Variants in RIPOR2 observed in about 807,000 individuals in gnomAD.
RIPOR2 encodes rho family-interacting cell polarization regulator 2.
In RIPOR2, 39 loss-of-function variants were observed where a neutral mutation model predicts 114.5. That is an observed-to-expected ratio of 0.34 (90% confidence interval 0.26 to 0.44). The LOEUF is 0.44. Among genes scored for constraint, RIPOR2 ranks in the 20% least tolerant of loss-of-function variants. The pLI, the probability that RIPOR2 is intolerant of heterozygous loss-of-function variation, is 1.00. For synonymous variants in RIPOR2, 445 were observed against 484.4 expected (o/e 0.92, Z 1.07); for missense variants, 1,007 against 1,255.1 (o/e 0.80, Z 2.99).
intron 1 of RIPOR2, among the ~76,000 whole-genome samples, chr6:24,983,146 T>A (rs1164590348): frequency 1.3e-5 from 2 of 151,950 alleles, no homozygotes; most frequent in African/African-American, 4.8e-5. Flanking sequence ...ATAAACTCTC[T>A]ACTTATGTTA....
chr6:25,015,886 AG>A (rs1775951205), intron 1 of RIPOR2: 1 of 72,390 alleles, frequency 1.4e-5, no homozygotes, highest in Non-Finnish European at 2.3e-5. Flanking sequence ...TTAAAAACGC[AG>A]GTTTTTTGGT....
chr6:25,011,404 C>T (rs1015154290), intron 1 of RIPOR2, among the ~76,000 whole-genome samples: 1 of 152,200 alleles, frequency 6.6e-6, no homozygotes, highest in African/African-American at 2.4e-5. Context: ...CGGGGATTGA[C>T]AGGGCTCCAG....
chr6:24,854,204 G>T (rs973946298), intron 8 of RIPOR2, among the ~76,000 whole-genome samples: 2 of 152,064 alleles, frequency 1.3e-5, no homozygotes, highest in South Asian at 4.2e-4. Flanking sequence ...GAGACAGAAG[G>T]AGATCTTTGC....
intron 1 of RIPOR2, among the ~76,000 whole-genome samples, chr6:24,999,581 A>G (rs557898664): frequency 1.4e-3 from 200 of 144,706 alleles, no homozygotes; most frequent in African/African-American, 4.8e-3. Context: ...TTTGAGACAG[A>G]GTCTCGCTCT....
Position 24,805,326 on chromosome 6 carries a change from C to T in RIPOR2, c.*1047G>A, listed in dbSNP as rs1177253343. On this transcript the variant is annotated 3_prime_UTR_variant, in exon 22 of 22. Coordinates refer to ENST00000643898, the MANE Select transcript of RIPOR2 (RefSeq NM_001286445.3). ...TCTTAGTCATTTACTTATCATTTTT[C>T]CATAATGGAAACATGATTTGGGAAT... 6.6e-6 allele frequency: 1 copy of T among 151,052 alleles called. No homozygotes were observed. The highest frequency in any genetic ancestry group is 1.9e-4 in the East Asian group (1 of 5,166). 9.4% of individuals were successfully genotyped at this position (151,052 alleles called of 1,614,324 possible).
At position 24,913,150 on chromosome 6, in the gene RIPOR2, AGT is replaced by A. The variant is rs10598852; in HGVS notation, c.61+22686_61+22687del. Among the ~76,000 whole-genome samples the A allele has an allele frequency of 4.5e-3, 672 of 149,218 alleles. 5 individuals carry two copies. Among genetic ancestry groups the A allele is most frequent in the Admixed American group, 0.014 (210 of 14,978 alleles). On this transcript the variant is annotated intron_variant, in intron 1 of 21. Coordinates refer to ENST00000643898, the MANE Select transcript of RIPOR2 (RefSeq NM_001286445.3). ...TGGGCATGACTGTGGGCATGACTTG[AGT>A]GTGTGTGTGTGTGTGTGTGTGTGTG... is the stretch of plus-strand genomic sequence containing the variant.
chr6:24,883,500 G>A lies in RIPOR2; in HGVS notation c.62-7683C>T, dbSNP rs888346682. Among the ~76,000 whole-genome samples, 1 of 152,172 alleles carries A rather than the reference G, an allele frequency of 6.6e-6. No individual in the cohort carries two copies. Among genetic ancestry groups the A allele is most frequent in the Non-Finnish European group, 1.5e-5 (1 of 68,028 alleles). ...CAAGGAAGCAGAGAGAGGTTTTGGGGGTGGTGGAAGTGTTCTAAAAGCAAA... is the reference window on the plus strand; with the variant it reads ...CAAGGAAGCAGAGAGAGGTTTTGGGAGTGGTGGAAGTGTTCTAAAAGCAAA... On this transcript the variant is annotated intron_variant, in intron 1 of 21. Transcript: ENST00000643898. The surrounding 1 kb of genome is among the most constrained non-coding windows in gnomAD (Gnocchi z 4.1).
At chr6:24,994,510 T>C (rs188832249) in intron 1 of RIPOR2, among the ~76,000 whole-genome samples, 2 of 152,348 alleles carry the variant, frequency 1.3e-5, no homozygotes, top group African/African-American at 4.8e-5. Context: ...TCTGTTGTAA[T>C]GGCTCTGATC....
rs1343053843 is a variant in RIPOR2, at chr6:24,825,265, G to A, written c.2829C>T (p.Tyr943=). The A allele has an allele frequency of 1.3e-6, 2 of 1,551,284 alleles. No homozygotes were observed. The highest frequency in any genetic ancestry group is 3.9e-5 in the Admixed American group (2 of 50,984). ...GCTGATTTTTGGAGGCTGCTGCCAA[G>A]TAAAGCGTCACAGCCTCACTAACTT... The part of the protein sequence containing the change: ...DNEVSEAVTL[Y]LAAASKNQHF... Residue 943 remains tyrosine (Y), a synonymous_variant, in exon 19 of 22, where the codon TAC becomes TAT. Transcript: ENST00000643898.
chr6:24,916,522 C>G (rs919890062), intron 1 of RIPOR2, among the ~76,000 whole-genome samples: 10 of 152,190 alleles, frequency 6.6e-5, no homozygotes, highest in Non-Finnish European at 1.3e-4. Context: ...AGAGCATACA[C>G]TATCCCTGCT....
chr6:24,822,219 C>G (rs1041390017), intron 19 of RIPOR2, among the ~76,000 whole-genome samples: 4 of 152,170 alleles, frequency 2.6e-5, no homozygotes, highest in African/African-American at 9.7e-5. Flanking sequence ...GGTCAGAAAC[C>G]AATCGATGGT....
At chr6:24,933,042 A>G (rs1771524199) in intron 1 of RIPOR2, among the ~76,000 whole-genome samples, 1 of 152,322 alleles carries the variant, frequency 6.6e-6, no homozygotes, top group African/African-American at 2.4e-5. Context: ...TCCTCCAGCT[A>G]TACCACAGCA....
intron 1 of RIPOR2, among the ~76,000 whole-genome samples, chr6:24,991,847 A>T (rs1774830926): frequency 6.6e-6 from 1 of 152,150 alleles, no homozygotes; most frequent in Non-Finnish European, 1.5e-5. Flanking sequence ...CAACCTGCTT[A>T]CTCCAGACCT....
intron 7 of RIPOR2, among the ~76,000 whole-genome samples, chr6:24,862,480 T>A (rs887902452): frequency 6.6e-6 from 1 of 152,218 alleles, no homozygotes; most frequent in Non-Finnish European, 1.5e-5. Flanking sequence ...CTCCAAATGA[T>A]CACTCTCATG....
rs869301317 is a variant in RIPOR2, at chr6:25,015,896, G to GTTTTTTTTTT, written c.76+25945_76+25954dup. 66 of 45,862 alleles carry GTTTTTTTTTT rather than the reference G, an allele frequency of 1.4e-3. 14 individuals are homozygous for GTTTTTTTTTT. The highest frequency in any genetic ancestry group is 4.2e-3 in the African/African-American group (59 of 14,096). The allele number at this position is 45,862 out of a possible 1,614,324, so 2.8% of individuals were successfully genotyped here. On this transcript the variant is annotated intron_variant, in intron 1 of 13. Transcript: ENST00000510784. ...TCCCCTTAAAAACGCAGGTTTTTTG[G>GTTTTTTTTTT]TTTTTTTTTTTTTTTTTTTTTTTTT...
chr6:24,931,429 T>G (rs1771383341), intron 1 of RIPOR2, among the ~76,000 whole-genome samples: 1 of 152,178 alleles, frequency 6.6e-6, no homozygotes, highest in Non-Finnish European at 1.5e-5. Flanking sequence ...ACTGCCAATT[T>G]TTTTCCAACC....
intron 10 of RIPOR2, 137 bp downstream of exon 10, chr6:24,850,460 G>T: frequency 3.5e-6 from 3 of 855,504 alleles, no homozygotes; most frequent in Non-Finnish European, 5.5e-6. Flanking sequence ...TGAGAGGGCA[G>T]CTGTCTTTGT....
chr6:24,995,270 AGAG>A (rs1175033440), intron 1 of RIPOR2, among the ~76,000 whole-genome samples: 13 of 152,166 alleles, frequency 8.5e-5, no homozygotes, highest in Non-Finnish European at 1.8e-4. Flanking sequence ...ATGTGGCTGC[AGAG>A]GAGGGTGAGG....
chr6:24,998,401 A>G (rs1775140255), intron 1 of RIPOR2, among the ~76,000 whole-genome samples: 1 of 152,218 alleles, frequency 6.6e-6, no homozygotes, highest in Non-Finnish European at 1.5e-5. Context: ...CAAGGATTTT[A>G]TATTGCAAAC....
Sources: gnomAD v4.1 joint callset for allele counts (sites outside exome capture counted in the v4.1 genomes callset) on GRCh38, gnomAD v4.1.1 for gene constraint, Gnocchi (gnomAD v3.1) non-coding constraint, MANE v1.5 for transcripts, NCBI Gene and HGNC (gene_info 2026-07-23, HGNC 2026-07-21) for gene names.